SYCE2: variants seen among roughly 807,000 people sequenced by gnomAD.
SYCE2 encodes central element synaptonemal complex 1.
SYCE2 carries 3 observed loss-of-function variants against 27.9 expected under a neutral mutation model. That is an observed-to-expected ratio of 0.11 (90% CI 0.05 to 0.28). The LOEUF (loss-of-function observed/expected upper bound fraction) is 0.28. Ranked by LOEUF, SYCE2 falls within the 10% of genes least tolerant of loss-of-function variation. The probability of loss-of-function intolerance (pLI) is 1.00; values close to 1 mark genes in which losing one functional copy is unlikely to be tolerated. For missense variants in SYCE2, 207 were observed against 263.5 expected (o/e 0.79, Z 1.48); for synonymous variants, 85 against 100.7 (o/e 0.84, Z 0.93).
chr19:12,918,958 A>AG (rs1179942557), intron 1 of SYCE2, among the ~76,000 whole-genome samples: 3 of 98,000 alleles, frequency 3.1e-5, no homozygotes, highest in East Asian at 4.6e-4. Flanking sequence ...CTCAAAAAAA[A>AG]AAAAAAAAAG....
chr19:12,912,977 T>C (rs1331631045), intron 2 of SYCE2, among the ~76,000 whole-genome samples: 1 of 152,230 alleles, frequency 6.6e-6, no homozygotes, highest in Non-Finnish European at 1.5e-5. Context: ...TCCCTGGGCC[T>C]GCATTCACCA....
intron 3 of SYCE2, among the ~76,000 whole-genome samples, chr19:12,903,443 GC>G (rs1316607073): frequency 4.4e-4 from 65 of 148,968 alleles, no homozygotes; most frequent in African/African-American, 1.6e-3. Flanking sequence ...AGGCTGGAGT[GC>G]AGTGGTGCAA....
chr19:12,913,167 C>T (rs1419166731), intron 2 of SYCE2, among the ~76,000 whole-genome samples: 1 of 152,162 alleles, frequency 6.6e-6, no homozygotes, highest in Non-Finnish European at 1.5e-5. Flanking sequence ...GTGAACACAG[C>T]GCTGCGTTCA....
At chr19:12,915,327 G>A (rs1050654007) in intron 2 of SYCE2, among the ~76,000 whole-genome samples, 8 of 152,242 alleles carry the variant, frequency 5.3e-5, no homozygotes, top group African/African-American at 1.4e-4. Context: ...TGAGCCGGGC[G>A]CGGTGGCTCA....
chr19:12,918,651 G>A (rs1298616583), intron 1 of SYCE2, among the ~76,000 whole-genome samples: 1 of 152,150 alleles, frequency 6.6e-6, no homozygotes, highest in Non-Finnish European at 1.5e-5. Flanking sequence ...GAAAGGAGAA[G>A]AGGTAGGAGA....
At chr19:12,916,906 C>G (rs561804854) in intron 2 of SYCE2, among the ~76,000 whole-genome samples, 4 of 152,128 alleles carry the variant, frequency 2.6e-5, no homozygotes, top group African/African-American at 9.6e-5. Flanking sequence ...TGCACCACCA[C>G]GCCTGGCTGA....
intron 2 of SYCE2, among the ~76,000 whole-genome samples, chr19:12,905,031 A>T (rs1161378858): frequency 6.6e-6 from 1 of 151,338 alleles, no homozygotes; most frequent in Non-Finnish European, 1.5e-5. Context: ...GGATGCTGAG[A>T]TCAGCACCAG....
chr19:12,906,492 A>G (rs1033197420), intron 2 of SYCE2, among the ~76,000 whole-genome samples: 2 of 152,234 alleles, frequency 1.3e-5, no homozygotes, highest in East Asian at 1.9e-4. Flanking sequence ...ATAATATTCA[A>G]TGTAATAAAA....
chr19:12,900,089 T>C lies in SYCE2; in HGVS notation c.527A>G (p.His176Arg). The change falls in exon 5 of 6, where the codon CAC becomes CGC. Residue 176 changes from histidine (H) to arginine (R), a missense_variant. By Grantham distance (29) the His-to-Arg change is conservative. Coordinates refer to ENST00000293695, the MANE Select transcript of SYCE2 (RefSeq NM_001105578.2). ...QSLRLRWGPD[H>R]SRGKSPPRPG... Reference sequence around the variant, plus strand: ...ACGTGGTGGGGACTTTCCCCTAGAGTGGTCTGGCCCCCATCTGAGTCTTAG... The same window carrying C: ...ACGTGGTGGGGACTTTCCCCTAGAGCGGTCTGGCCCCCATCTGAGTCTTAG... 6.2e-7 allele frequency: 1 copy of C among 1,612,736 alleles called. No homozygotes were observed. Among genetic ancestry groups the C allele is most frequent in the Non-Finnish European group, 8.5e-7 (1 of 1,179,702 alleles).
At chr19:12,915,909 C>G (rs1305746069) in intron 2 of SYCE2, among the ~76,000 whole-genome samples, 1 of 152,170 alleles carries the variant, frequency 6.6e-6, no homozygotes, top group Non-Finnish European at 1.5e-5. Context: ...CCCTGGCTCC[C>G]CATTCCAGGC....
In SYCE2 at chr19:12,900,597, C is replaced by T; in HGVS notation, c.358G>A (p.Asp120Asn). 6.2e-7 allele frequency: 1 copy of T among 1,614,068 alleles called. No individual in the cohort carries two copies. The highest frequency in any genetic ancestry group is 1.1e-5 in the South Asian group (1 of 91,068). The stretch of plus-strand genomic sequence containing the variant: ...TTTTCCTGGATGATCTTGTTGTGGT[C>T]ATTATAAATCTGATAGATCCTCTCC... ...LEERIYQIYN[D>N]HNKIIQEKLQ... Residue 120 changes from aspartate (D) to asparagine (N), a missense_variant, in exon 4 of 6, where the codon GAC (aspartate) becomes AAC (asparagine). By Grantham distance (23) the Asp-to-Asn change is conservative (BLOSUM62 1). Coordinates refer to ENST00000293695, the MANE Select transcript of SYCE2 (RefSeq NM_001105578.2).
chr19:12,900,939 G>A (rs532593678), intron 3 of SYCE2, among the ~76,000 whole-genome samples: 7 of 152,204 alleles, frequency 4.6e-5, no homozygotes, highest in African/African-American at 1.7e-4. Flanking sequence ...TAACACTTTG[G>A]GAGGCCGAGG....
At chr19:12,918,404 G>A (rs1487527625) in intron 1 of SYCE2, 67 bp from the exon 2 acceptor site, 16 of 1,457,896 alleles carry the variant, frequency 1.1e-5, no homozygotes, top group South Asian at 5.7e-5. Flanking sequence ...CCCTCCTGCC[G>A]ACCCTTCAAC....
chr19:12,900,952 G>A (rs1382076027), intron 3 of SYCE2, among the ~76,000 whole-genome samples: 1 of 152,110 alleles, frequency 6.6e-6, no homozygotes, highest in Non-Finnish European at 1.5e-5. Flanking sequence ...GGCCGAGGCG[G>A]GCGGATCACG....
chr19:12,914,366 A>T (rs1971098820), intron 2 of SYCE2, among the ~76,000 whole-genome samples: 1 of 152,168 alleles, frequency 6.6e-6, no homozygotes, highest in Non-Finnish European at 1.5e-5. Context: ...GAAGACGCTA[A>T]ATGCCAAGTT....
intron 2 of SYCE2, among the ~76,000 whole-genome samples, chr19:12,915,299 T>C (rs945982435): frequency 6.6e-6 from 1 of 152,000 alleles, no homozygotes; most frequent in African/African-American, 2.4e-5. Flanking sequence ...AGCAATCAAA[T>C]CATACCCTTC....
At chr19:12,910,386 C>T (rs944935920) in intron 2 of SYCE2, among the ~76,000 whole-genome samples, 2 of 150,686 alleles carry the variant, frequency 1.3e-5, no homozygotes, top group South Asian at 2.1e-4. Context: ...CTCACTCGGT[C>T]GCTCAGGCTG....
intron 2 of SYCE2, among the ~76,000 whole-genome samples, chr19:12,909,280 C>T (rs1454650551): frequency 6.6e-6 from 1 of 152,168 alleles, no homozygotes; most frequent in Non-Finnish European, 1.5e-5. Context: ...ATTCTATCAT[C>T]CCAGCCCATG....
intron 2 of SYCE2, among the ~76,000 whole-genome samples, chr19:12,909,610 A>C (rs1971007519): frequency 6.6e-6 from 1 of 151,854 alleles, no homozygotes; most frequent in Non-Finnish European, 1.5e-5. Context: ...CTTATTGCCC[A>C]GGCTGGAGTG....
Sources: allele counts gnomAD v4.1 joint callset (sites outside exome capture counted in the v4.1 genomes callset), GRCh38; gene constraint gnomAD v4.1.1; transcripts MANE v1.5; gene names NCBI Gene and HGNC (gene_info 2026-07-23, HGNC 2026-07-21).